The following CRMP1 variants were observed in gnomAD, a reference collection of about 807,000 sequenced individuals.
CRMP1 encodes the protein collapsin response mediator protein 1.
CRMP1 carries 19 observed loss-of-function variants against 68.3 expected under a neutral mutation model. The observed-to-expected ratio is 0.28, with a 90% CI of 0.19 to 0.41. The LOEUF (loss-of-function observed/expected upper bound fraction) is 0.41. Ranked by LOEUF, CRMP1 falls within the 10% of genes least tolerant of loss-of-function variation. The probability of loss-of-function intolerance (pLI) is 1.00; values close to 1 mark genes in which losing one functional copy is unlikely to be tolerated. For synonymous variants in CRMP1, 439 were observed against 399.6 expected (o/e 1.10, Z -1.18); for missense variants, 791 against 967.4 (o/e 0.82, Z 2.42).
At chr4:5,874,468 C>G (rs1471928562) in intron 1 of CRMP1, among the ~76,000 whole-genome samples, 1 of 152,182 alleles carries the variant, frequency 6.6e-6, no homozygotes, top group Non-Finnish European at 1.5e-5. Context: ...CAACCTTCCC[C>G]CAATGGTCAC....
At chr4:5,852,885 G>A (rs1712767623) in intron 4 of CRMP1, among the ~76,000 whole-genome samples, 1 of 152,148 alleles carries the variant, frequency 6.6e-6, no homozygotes, top group African/African-American at 2.4e-5. Flanking sequence ...GAATCGCTAG[G>A]AAAAGGCAGG....
intron 8 of CRMP1, among the ~76,000 whole-genome samples, 156 bp from the exon 9 acceptor site, chr4:5,839,834 G>A (rs995564859): frequency 2.0e-5 from 3 of 152,262 alleles, no homozygotes; most frequent in African/African-American, 7.2e-5. Context: ...CTGCACCGCA[G>A]GGACCTTGGG....
chr4:5,824,168 C>T (rs1051120002), intron 13 of CRMP1: 5 of 317,628 alleles, frequency 1.6e-5, no homozygotes, highest in Non-Finnish European at 2.3e-5. Context: ...TGTTTAATTG[C>T]ATAACTCCAG....
At chr4:5,831,138 C>A (rs541575730) in intron 11 of CRMP1, among the ~76,000 whole-genome samples, 1 of 152,028 alleles carries the variant, frequency 6.6e-6, no homozygotes, top group African/African-American at 2.4e-5. Flanking sequence ...TTTGTAGAGG[C>A]AGGGTCTCAC....
Position 5,825,455 on chromosome 4 carries a change from C to T in CRMP1, c.1969+39G>A, listed in dbSNP as rs763867583. ...AGCAGGAAGGACTCGGCCTGAACTGCTGCAATTGTGGGGAGCCTGGGCCAC... is the reference window on the plus strand; with the variant it reads ...AGCAGGAAGGACTCGGCCTGAACTGTTGCAATTGTGGGGAGCCTGGGCCAC... On this transcript the variant is annotated intron_variant, in intron 13 of 13. Transcript: ENST00000324989. The surrounding 1 kb of genome is among the most constrained non-coding windows in gnomAD (Gnocchi z 4.4). 1 of 1,534,024 alleles carries T rather than the reference C, an allele frequency of 6.5e-7. No homozygotes were observed. Among genetic ancestry groups the T allele is most frequent in the Non-Finnish European group, 8.7e-7 (1 of 1,148,828 alleles).
chr4:5,856,185 C>T lies in CRMP1; in HGVS notation c.778G>A (p.Asp260Asn), dbSNP rs777531665. Residue 260 changes from aspartate to asparagine, a missense_variant, in exon 4 of 14, where the codon GAT (aspartate) becomes AAT (asparagine). By Grantham distance (23) the Asp-to-Asn change is conservative. Transcript: ENST00000324989. ...ACCTCCAGCTCCTCCCGAACGCCAT[C>T]GTACCAGCTTGTGATGTCCACGTGG... ...SLHVDITSWY[D>N]GVREELEVLV... 2.9e-5 allele frequency: 47 copies of T among 1,613,888 alleles called. No individual in the cohort carries two copies. Among genetic ancestry groups the T allele is most frequent in the Middle Eastern group, 1.6e-4 (1 of 6,078 alleles).
rs190668040 is a variant in CRMP1, at chr4:5,835,951, G to A, written c.1587C>T (p.Asp529=). 8 of 1,585,074 alleles carry A rather than the reference G, an allele frequency of 5.0e-6. No homozygotes were observed. Among genetic ancestry groups the A allele is most frequent in the African/African-American group, 2.7e-5 (2 of 73,548 alleles). ...TTTTGGCTGTTATGGTCTTCAACTTGTCGGGGTCCCAGATGACCACGTCGG... is the reference window on the plus strand; with the variant it reads ...TTTTGGCTGTTATGGTCTTCAACTTATCGGGGTCCCAGATGACCACGTCGG... The part of the protein sequence containing the change: ...SDADVVIWDP[D]KLKTITAKSH... The change falls in exon 11 of 14, where the codon GAC becomes GAT. Residue 529 remains aspartate, a synonymous_variant. Coordinates refer to ENST00000324989, the MANE Select transcript of CRMP1 (RefSeq NM_001014809.3).
chr4:5,828,153 C>A (rs1336524883), intron 12 of CRMP1: 3 of 985,324 alleles, frequency 3.0e-6, no homozygotes, highest in African/African-American at 1.7e-5. Flanking sequence ...AGGAGGATCA[C>A]AGCACCTCCC....
In CRMP1 at chr4:5,825,556, G is replaced by A. The variant is rs187171314; in HGVS notation, c.1907C>T (p.Ser636Leu). ...YATPAPSAKS[S>L]PSKHQPPPIR... Reference sequence around the variant, plus strand: ...GGGTGGGGGCTGGTGTTTAGAAGGCGAAGATTTGGCTGAAGGAGCGGGAGT... The same window carrying A: ...GGGTGGGGGCTGGTGTTTAGAAGGCAAAGATTTGGCTGAAGGAGCGGGAGT... Residue 636 changes from serine to leucine, a missense_variant, in exon 13 of 14, where the codon TCG becomes TTG. Transcript: ENST00000324989. This position sits in a 1 kb window ranked among gnomAD's most constrained non-coding sequence, Gnocchi z 4.4. The A allele has an allele frequency of 6.9e-6, 11 of 1,597,310 alleles. No individual in the cohort carries two copies. Among genetic ancestry groups the A allele is most frequent in the South Asian group, 1.1e-5 (1 of 88,356 alleles).
chr4:5,869,681 C>T (rs1317512623), intron 1 of CRMP1, among the ~76,000 whole-genome samples: 1 of 92,930 alleles, frequency 1.1e-5, no homozygotes, highest in Admixed American at 1.3e-4. Context: ...AAGACTCCGT[C>T]AAAAAAAAAA....
Position 5,860,025 on chromosome 4 carries a change from C to T in CRMP1, c.655+1001G>A, listed in dbSNP as rs2152467525. On this transcript the variant is annotated intron_variant, in intron 3 of 13. Coordinates refer to ENST00000324989, the MANE Select transcript of CRMP1 (RefSeq NM_001014809.3). The surrounding 1 kb of genome is among the most constrained non-coding windows in gnomAD (Gnocchi z 4.2). The stretch of plus-strand genomic sequence containing the variant: ...TCTTCAAAATCAACACAAGAAACAG[C>T]CATCGGGCTGCACAGGGCAATGGAG... Among the ~76,000 whole-genome samples, 1 of 152,182 alleles carries T rather than the reference C, an allele frequency of 6.6e-6. No homozygotes were observed.
In CRMP1 at chr4:5,891,212, A is replaced by ACCCACACACC. The variant is rs1553910144; in HGVS notation, c.381+1376_381+1377insGGTGTGTGGG. The stretch of plus-strand genomic sequence containing the variant: ...CACACACACACACACACACACACAC[A>ACCCACACACC]CCCTTGCTGTTGGACCTCTCCCTCG... On this transcript the variant is annotated intron_variant, in intron 1 of 13. Coordinates refer to ENST00000324989, the MANE Select transcript of CRMP1 (RefSeq NM_001014809.3). The surrounding 1 kb of genome is among the most constrained non-coding windows in gnomAD (Gnocchi z 5.2). 6.8e-6 allele frequency among the ~76,000 whole-genome samples: 1 copy of ACCCACACACC among 147,120 alleles called. No individual in the cohort carries two copies. The highest frequency in any genetic ancestry group is 2.6e-5 in the African/African-American group (1 of 38,964).
intron 13 of CRMP1, chr4:5,824,908 G>A: frequency 2.0e-6 from 2 of 985,400 alleles, no homozygotes; most frequent in Non-Finnish European, 2.4e-6. Context: ...AAGTCAGGAG[G>A]GATCAGGTCA....
chr4:5,858,803 C>T lies in CRMP1; in HGVS notation c.655+2223G>A, dbSNP rs763912629. On this transcript the variant is annotated intron_variant, in intron 3 of 13. Transcript: ENST00000324989. This position sits in a 1 kb window ranked among gnomAD's most constrained non-coding sequence, Gnocchi z 5.5. ...GGTTGTCCTCTCCTTCCAGCCTTGC[C>T]TCACAGGATGTCATCCCTCAATCTC... Among the ~76,000 whole-genome samples the T allele has an allele frequency of 6.6e-6, 1 of 152,212 alleles. No individual in the cohort carries two copies. The highest frequency in any genetic ancestry group is 1.5e-5 in the Non-Finnish European group (1 of 68,038).
rs1228923130 is a variant in CRMP1, at chr4:5,855,573, C to T, written c.820+570G>A. Among the ~76,000 whole-genome samples the T allele has an allele frequency of 6.6e-6, 1 of 152,206 alleles. No homozygotes were observed. Among genetic ancestry groups the T allele is most frequent in the African/African-American group, 2.4e-5 (1 of 41,444 alleles). ...AAGCAGGGACATATAGACGTGGTCC[C>T]CTCCCTCACAGAGCTCAGGGTTTGG... On this transcript the variant is annotated intron_variant, in intron 4 of 13. Coordinates refer to ENST00000324989, the MANE Select transcript of CRMP1 (RefSeq NM_001014809.3). This position sits in a 1 kb window ranked among gnomAD's most constrained non-coding sequence, Gnocchi z 4.9.
In CRMP1 at chr4:5,883,988, T is replaced by C. The variant is rs1228757207; in HGVS notation, c.381+8601A>G. On this transcript the variant is annotated intron_variant, in intron 1 of 13. Transcript: ENST00000324989. The surrounding 1 kb of genome is among the most constrained non-coding windows in gnomAD (Gnocchi z 4.5). ...CCTAAAAATGGTCCACTTCTTCCTC[T>C]CTGATCATGACCTTGACATCATGGA... is the stretch of plus-strand genomic sequence containing the variant. Among the ~76,000 whole-genome samples the C allele has an allele frequency of 6.6e-6, 1 of 152,246 alleles. No individual in the cohort carries two copies. Among genetic ancestry groups the C allele is most frequent in the Non-Finnish European group, 1.5e-5 (1 of 68,046 alleles).
At position 5,865,084 on chromosome 4, in the gene CRMP1, C is replaced by A. The variant is rs1713889592; in HGVS notation, c.470+1584G>T. On this transcript the variant is annotated intron_variant, in intron 2 of 13. Coordinates refer to ENST00000324989, the MANE Select transcript of CRMP1 (RefSeq NM_001014809.3). This position sits in a 1 kb window ranked among gnomAD's most constrained non-coding sequence, Gnocchi z 4.1. ...TTTCCCCCAGCCTCCTCCTCCTCCT[C>A]CATCATCATCTCCAAAGCCCACACG... Among the ~76,000 whole-genome samples the A allele has an allele frequency of 6.6e-6, 1 of 152,028 alleles. No individual in the cohort carries two copies.
At position 5,828,119 on chromosome 4, in the gene CRMP1, C is replaced by T. The variant is rs958900022; in HGVS notation, c.1803+370G>A. 9.1e-6 allele frequency: 9 copies of T among 985,414 alleles called. No homozygotes were observed. In the African/African-American group the frequency reaches 1.4e-4, roughly 15 times the overall value. The allele number at this position is 985,414 out of a possible 1,614,324, so 61.0% of individuals were successfully genotyped here. The stretch of plus-strand genomic sequence containing the variant: ...TTTCTGAGCCGTGACTCTGGCTAAG[C>T]CCTTCACTGCTCTGGGCTGCAAAAG... On this transcript the variant is annotated intron_variant, in intron 12 of 13. Coordinates refer to ENST00000324989, the MANE Select transcript of CRMP1 (RefSeq NM_001014809.3).
At chr4:5,878,990 C>T (rs1560519621) in intron 1 of CRMP1, among the ~76,000 whole-genome samples, 2 of 152,224 alleles carry the variant, frequency 1.3e-5, no homozygotes, top group East Asian at 1.9e-4. Flanking sequence ...CCCAGATAAG[C>T]CCTCACCCCA....
Sources: allele counts gnomAD v4.1 joint callset (sites outside exome capture counted in the v4.1 genomes callset), GRCh38; gene constraint gnomAD v4.1.1; non-coding constraint Gnocchi (gnomAD v3.1); transcripts MANE v1.5; gene names NCBI Gene and HGNC (gene_info 2026-07-23, HGNC 2026-07-21).